GRM4: variants seen among roughly 807,000 people sequenced by gnomAD.
GRM4 encodes the protein glutamate metabotropic receptor 4.
Under a neutral mutation model 81.7 loss-of-function variants are expected in GRM4, and 28 were observed. The ratio of observed to expected loss-of-function variants is 0.34; its 90% CI spans 0.25 to 0.47. GRM4 has a LOEUF of 0.47. GRM4 is among the 20% of genes least tolerant of loss of function. The pLI is 1.00. For synonymous variants in GRM4, 488 were observed against 528.8 expected, an observed-to-expected ratio of 0.92 and a Z score of 1.06; for missense variants, 948 against 1,290.0, an observed-to-expected ratio of 0.73 and a Z score of 4.06.
At chr6:34,049,715 T>G (rs1039284262) in intron 6 of GRM4, among the ~76,000 whole-genome samples, 1 of 152,158 alleles carries the variant, frequency 6.6e-6, no homozygotes, top group Non-Finnish European at 1.5e-5. Flanking sequence ...CAGAGAATGC[T>G]GAAGCCATCC....
Position 34,036,118 on chromosome 6 carries a change from G to A in GRM4, c.1992C>T (p.Ser664=), listed in dbSNP as rs373204915. The A allele has an allele frequency of 6.2e-7, 1 of 1,614,230 alleles. No homozygotes were observed. Residue 664 remains serine (S), a synonymous_variant, in exon 9 of 11, where the codon AGC becomes AGT. Coordinates refer to ENST00000538487, the MANE Select transcript of GRM4 (RefSeq NM_000841.4). This position sits in a 1 kb window ranked among gnomAD's most constrained non-coding sequence, Gnocchi z 9.0. ...LRRIFLGLGM[S]ISYAALLTKT... ...TGGTGAGCAGGGCTGCATAGCTGAT[G>A]CTCATCCCTAGTCCCAGGAAGATTC... is the stretch of plus-strand genomic sequence containing the variant.
At chr6:34,124,208 C>T (rs919668739) in intron 2 of GRM4, among the ~76,000 whole-genome samples, 3 of 152,164 alleles carry the variant, frequency 2.0e-5, no homozygotes, top group South Asian at 2.1e-4. Flanking sequence ...TCAAGGTCCC[C>T]GCTCAGATCA....
rs549999734 is a variant in GRM4, at chr6:34,036,228, C to T, written c.1882G>A (p.Val628Met). Residue 628 changes from valine to methionine, a missense_variant, in exon 9 of 11, where the codon GTG becomes ATG. Transcript: ENST00000538487. This position sits in a 1 kb window ranked among gnomAD's most constrained non-coding sequence, Gnocchi z 9.0. ...CACAGGAAGATGCCTGCCAGCAGCA[C>T]GTAGCTCAGTTCACGGCCCGAGGCC... is the stretch of plus-strand genomic sequence containing the variant. ...VKASGRELSY[V>M]LLAGIFLCYA... 5.6e-6 allele frequency: 9 copies of T among 1,614,128 alleles called. No homozygotes were observed. The highest frequency in any genetic ancestry group is 1.6e-4 in the Middle Eastern group (1 of 6,062).
chr6:34,081,471 G>A (rs2127478673), intron 3 of GRM4, among the ~76,000 whole-genome samples: 1 of 152,390 alleles, frequency 6.6e-6, no homozygotes, highest in Middle Eastern at 3.4e-3. Context: ...AAGGAAGAGG[G>A]ACCAGGTTGG....
At chr6:34,065,781 A>T (rs562071505) in intron 3 of GRM4, among the ~76,000 whole-genome samples, 1 of 152,202 alleles carries the variant, frequency 6.6e-6, no homozygotes, top group Admixed American at 6.5e-5. Context: ...GACCTTGGAG[A>T]CCTCCTGGCC....
At chr6:34,142,344 C>T (rs1348436836) in intron 1 of GRM4, among the ~76,000 whole-genome samples, 1 of 152,098 alleles carries the variant, frequency 6.6e-6, no homozygotes, top group Non-Finnish European at 1.5e-5. Context: ...GTCCAGGCTG[C>T]CAGTGCGTCC....
In GRM4 at chr6:34,121,302, C is replaced by CT. The variant is rs1561825315; in HGVS notation, c.519+11675dup. ...GGGTTGTTCTCTTCCAGCTGCTCTG[C>CT]TGTGGGGACCTCACTGGACTCCCTG... On this transcript the variant is annotated intron_variant, in intron 2 of 10. Coordinates refer to ENST00000538487, the MANE Select transcript of GRM4 (RefSeq NM_000841.4). This position sits in a 1 kb window ranked among gnomAD's most constrained non-coding sequence, Gnocchi z 4.6. Among the ~76,000 whole-genome samples the CT allele has an allele frequency of 6.6e-6, 1 of 152,204 alleles. No homozygotes were observed. Among genetic ancestry groups the CT allele is most frequent in the Non-Finnish European group, 1.5e-5 (1 of 68,030 alleles).
chr6:34,133,332 G>A lies in GRM4; in HGVS notation c.165C>T (p.Phe55=). 1 of 1,614,128 alleles carries A rather than the reference G, an allele frequency of 6.2e-7. No homozygotes were observed. The highest frequency in any genetic ancestry group is 2.2e-5 in the East Asian group (1 of 44,880). ...IDGDITLGGL[F]PVHGRGSEGK... is the part of the protein sequence containing the mutation. ...CCTCTGAGCCCCGGCCATGCACCGGGAACAGGCCTCCCAGTGTGATGTCCC... is the reference window on the plus strand; with the variant it reads ...CCTCTGAGCCCCGGCCATGCACCGGAAACAGGCCTCCCAGTGTGATGTCCC... Residue 55 remains phenylalanine (F), a synonymous_variant, in exon 2 of 11, where the codon TTC becomes TTT. Transcript: ENST00000538487. The surrounding 1 kb of genome is among the most constrained non-coding windows in gnomAD (Gnocchi z 6.5).
At position 34,021,283 on chromosome 6, in the gene GRM4, CACGGCCAT is replaced by C. The variant is rs898746476; in HGVS notation, c.*1530_*1537del. 2 of 152,500 alleles carry C rather than the reference CACGGCCAT, an allele frequency of 1.3e-5. No homozygotes were observed. Among genetic ancestry groups the C allele is most frequent in the African/African-American group, 4.8e-5 (2 of 41,462 alleles). The allele number at this position is 152,500 out of a possible 1,614,324, so 9.4% of individuals were successfully genotyped here. Reference sequence around the variant, plus strand: ...ACAGCCAACACAGCCAACACAGCCACACGGCCATGCCTGTGCCGTGCACTTGTGGGCCC... The same window carrying C: ...ACAGCCAACACAGCCAACACAGCCACGCCTGTGCCGTGCACTTGTGGGCCC... On this transcript the variant is annotated 3_prime_UTR_variant, in exon 11 of 11. Transcript: ENST00000538487. This position sits in a 1 kb window ranked among gnomAD's most constrained non-coding sequence, Gnocchi z 5.3.
At chr6:34,144,494 G>C (rs1051388207) in intron 1 of GRM4, among the ~76,000 whole-genome samples, 13 of 152,202 alleles carry the variant, frequency 8.5e-5, no homozygotes, top group African/African-American at 3.1e-4. Flanking sequence ...TGAAGTCCTG[G>C]GGCTGCAGGG....
At chr6:34,081,154 T>A (rs1379329536) in intron 3 of GRM4, among the ~76,000 whole-genome samples, 1 of 152,158 alleles carries the variant, frequency 6.6e-6, no homozygotes, top group Non-Finnish European at 1.5e-5. Flanking sequence ...AGGGCCAGTT[T>A]CGGAGTCATG....
At chr6:34,081,525 G>A (rs1434048638) in intron 3 of GRM4, among the ~76,000 whole-genome samples, 2 of 152,238 alleles carry the variant, frequency 1.3e-5, no homozygotes, top group Non-Finnish European at 2.9e-5. Context: ...TGCACCATTC[G>A]TGCCCAAATA....
intron 2 of GRM4, chr6:34,103,748 A>G: frequency 6.7e-7 from 1 of 1,485,934 alleles, no homozygotes; most frequent in Non-Finnish European, 8.9e-7. Flanking sequence ...ATAGGTGAGA[A>G]GCTGCCTCGC....
rs905516986 is a variant in GRM4 at position 34,034,781 on chromosome 6, C to T, written c.2442+887G>A. 8.5e-5 allele frequency among the ~76,000 whole-genome samples: 13 copies of T among 152,252 alleles called. No individual in the cohort carries two copies. Among genetic ancestry groups the T allele is most frequent in the Non-Finnish European group, 1.5e-4 (10 of 68,044 alleles). The stretch of plus-strand genomic sequence containing the variant: ...CCAACTGGCTTGCCCAGATCCCACA[C>T]TTATACATGGCACTCAGACCAAGAC... On this transcript the variant is annotated intron_variant, in intron 9 of 10. Coordinates refer to ENST00000538487, the MANE Select transcript of GRM4 (RefSeq NM_000841.4). The surrounding 1 kb of genome is among the most constrained non-coding windows in gnomAD (Gnocchi z 4.0).
chr6:34,057,996 G>C (rs1765993622), intron 5 of GRM4, among the ~76,000 whole-genome samples: 1 of 152,158 alleles, frequency 6.6e-6, no homozygotes, highest in Admixed American at 6.5e-5. Context: ...GTGTGATGGG[G>C]TAAGAGCTGT....
rs61745457 is a variant in GRM4 at position 34,035,806 on chromosome 6, G to A, written c.2304C>T (p.Thr768=). ...CGCCGCGTGTCTTGATGGCATACAC[G>A]GTGCACGTGACCATGAGCAGCATGC... The part of the protein sequence containing the change: ...GYSMLLMVTC[T]VYAIKTRGVP... Residue 768 remains threonine (T), a synonymous_variant, in exon 9 of 11, where the codon ACC becomes ACT. Transcript: ENST00000538487. This position sits in a 1 kb window ranked among gnomAD's most constrained non-coding sequence, Gnocchi z 6.6. 3.4e-3 allele frequency: 5,468 copies of A among 1,613,730 alleles called. 145 individuals carry two copies. The African/African-American group carries it at 0.057, about 17-fold the overall frequency.
intron 6 of GRM4, among the ~76,000 whole-genome samples, chr6:34,041,215 C>T (rs1269020504): frequency 1.3e-5 from 2 of 152,134 alleles, no homozygotes; most frequent in African/African-American, 2.4e-5. Context: ...AGCCACTCAC[C>T]CATGGGCAGT....
intron 3 of GRM4, among the ~76,000 whole-genome samples, chr6:34,067,195 C>T (rs76602562): frequency 0.015 from 2,257 of 152,262 alleles, 62 homozygotes; most frequent in African/African-American, 0.05. Context: ...AGTTTCCTGT[C>T]GTATTTTTCA....
At chr6:34,056,145 G>T in intron 6 of GRM4, 1 of 185,924 alleles carries the variant, frequency 5.4e-6, no homozygotes, top group Non-Finnish European at 1.1e-5. Flanking sequence ...CGGCCTAGGA[G>T]CCAAACTGGT....
Sources: allele counts gnomAD v4.1 joint callset (sites outside exome capture counted in the v4.1 genomes callset), GRCh38; gene constraint gnomAD v4.1.1; non-coding constraint Gnocchi (gnomAD v3.1); transcripts MANE v1.5; gene names NCBI Gene and HGNC (gene_info 2026-07-23, HGNC 2026-07-21).